The following ASIP variants were observed in gnomAD, a reference collection of about 807,000 sequenced individuals.
ASIP encodes agouti signaling protein, also known as agouti-signaling protein.
A neutral mutation model predicts 10.3 loss-of-function variants in ASIP; 11 were observed. That is an observed-to-expected ratio of 1.07 (90% confidence interval 0.68 to 1.78). The LOEUF is 1.78. Among genes scored for constraint, ASIP ranks in the 40% most tolerant of loss-of-function variants. ASIP has a pLI of 0.00. For synonymous variants in ASIP, 70 were observed against 70.8 expected, an observed-to-expected ratio of 0.99 and a Z score of 0.06; for missense variants, 180 against 169.2, an observed-to-expected ratio of 1.06 and a Z score of -0.35.
At chr20:34,261,756 C>CA (rs1163048197) in intron 2 of ASIP, among the ~76,000 whole-genome samples, 5 of 151,696 alleles carry the variant, frequency 3.3e-5, no homozygotes, top group African/African-American at 4.8e-5. Context: ...GAGCTATGAT[C>CA]ACACCATTGC....
At chr20:34,201,024 CTTTCTTTCTTTCT>C (rs2034893342) in intron 1 of ASIP, among the ~76,000 whole-genome samples, 4 of 82,532 alleles carry the variant, frequency 4.8e-5, no homozygotes, top group African/African-American at 2.0e-4. Flanking sequence ...TTCCTTCTTT[CTTTCTTTCTTTCT>C]TTCTTTCTTT....
chr20:34,240,154 AAAAG>A (rs1255860406), upstream of ASIP, among the ~76,000 whole-genome samples: 1 of 152,222 alleles, frequency 6.6e-6, no homozygotes, highest in Non-Finnish European at 1.5e-5. Flanking sequence ...AGAAGGGAAA[AAAAG>A]AGAAAAAAGA....
intron 3 of ASIP, among the ~76,000 whole-genome samples, chr20:34,264,435 G>A (rs1361729440): frequency 1.3e-5 from 2 of 152,170 alleles, no homozygotes; most frequent in Non-Finnish European, 2.9e-5. Context: ...CAAGGTTCTC[G>A]TGTATTTTTC....
At chr20:34,247,354 G>A (rs558768892) in intron 1 of ASIP, among the ~76,000 whole-genome samples, 11 of 147,972 alleles carry the variant, frequency 7.4e-5, no homozygotes, top group Non-Finnish European at 1.3e-4. Flanking sequence ...AGGCTGGAGT[G>A]CAATGGTGTG....
chr20:34,190,289 A>C (rs2034817124), upstream of ASIP, among the ~76,000 whole-genome samples: 1 of 152,198 alleles, frequency 6.6e-6, no homozygotes, highest in African/African-American at 2.4e-5. Flanking sequence ...CTCCCAGATG[A>C]GAATTAAGAT....
chr20:34,205,698 G>A (rs113000335), intron 1 of ASIP, among the ~76,000 whole-genome samples: 4 of 143,030 alleles, frequency 2.8e-5, no homozygotes, highest in South Asian at 2.2e-4. Context: ...TGATTTTGCC[G>A]TTTTACAGAG....
chr20:34,235,888 A>G (rs1175450889), intron 1 of ASIP, among the ~76,000 whole-genome samples: 9 of 94,382 alleles, frequency 9.5e-5, no homozygotes, highest in Non-Finnish European at 1.5e-4. Flanking sequence ...GAAGGAAGGA[A>G]GGAAGGAAGG....
chr20:34,266,710 T>G (rs6119484), intron 3 of ASIP, among the ~76,000 whole-genome samples: 37,419 of 152,134 alleles, frequency 0.25, 7,546 homozygotes, highest in African/African-American at 0.55. Context: ...AGGCAGATTA[T>G]AAAGTGTTAG....
In ASIP at chr20:34,269,318, A is replaced by G. The variant is rs1201234608; in HGVS notation, c.*151A>G. On this transcript the variant is annotated 3_prime_UTR_variant, in exon 4 of 4. Coordinates refer to ENST00000374954, the MANE Select transcript of ASIP (RefSeq NM_001672.3). ...TCAGGGAGACCTGGCTTGGGCTAAA[A>G]TCGAAATACAATATATATAGGCTGC... is the stretch of plus-strand genomic sequence containing the variant. 28 of 1,001,468 alleles carry G rather than the reference A, an allele frequency of 2.8e-5. No homozygotes were observed. The East Asian group carries it at 8.2e-4, about 29-fold the overall frequency. The allele number at this position is 1,001,468 out of a possible 1,614,324, so 62.0% of individuals were successfully genotyped here.
At chr20:34,221,289 A>G (rs907376753) in intron 1 of ASIP, among the ~76,000 whole-genome samples, 1 of 151,882 alleles carries the variant, frequency 6.6e-6, no homozygotes, top group South Asian at 2.1e-4. Flanking sequence ...GAGGCAGGAG[A>G]ATGGCGTGAA....
chr20:34,235,871 AAGGAAGG>A (rs1568756256), intron 1 of ASIP, among the ~76,000 whole-genome samples: 2 of 20,614 alleles, frequency 9.7e-5, no homozygotes, highest in South Asian at 2.1e-3. Context: ...GAAGGAAAGG[AAGGAAGG>A]AAGGAAGGAA....
intron 1 of ASIP, among the ~76,000 whole-genome samples, chr20:34,257,070 C>CTTTT (rs56227909): frequency 2.9e-5 from 4 of 139,424 alleles, no homozygotes; most frequent in African/African-American, 1.1e-4. Context: ...CTTTCTTTCT[C>CTTTT]TTTTTTTTTT....
At chr20:34,196,608 G>T (rs946295250) in intron 1 of ASIP, among the ~76,000 whole-genome samples, 2 of 152,220 alleles carry the variant, frequency 1.3e-5, no homozygotes, top group Non-Finnish European at 2.9e-5. Context: ...ACTGTGAGTT[G>T]AGAAAAACCT....
At chr20:34,232,449 A>G (rs2035128133) in intron 1 of ASIP, among the ~76,000 whole-genome samples, 1 of 152,168 alleles carries the variant, frequency 6.6e-6, no homozygotes, top group Admixed American at 6.5e-5. Flanking sequence ...GTTGGAACCA[A>G]ATCCGTCCAA....
At chr20:34,218,756 G>A (rs2035026262) in intron 1 of ASIP, among the ~76,000 whole-genome samples, 1 of 151,908 alleles carries the variant, frequency 6.6e-6, no homozygotes, top group Admixed American at 6.6e-5. Flanking sequence ...TCCACCCCCT[G>A]GGTTCATGCC....
At chr20:34,226,746 A>G (rs1210309323) in intron 1 of ASIP, among the ~76,000 whole-genome samples, 2 of 152,156 alleles carry the variant, frequency 1.3e-5, no homozygotes. Context: ...GCTAACTTAC[A>G]TACTTAATTT....
chr20:34,222,331 C>T (rs537121561), intron 1 of ASIP, among the ~76,000 whole-genome samples: 31 of 151,648 alleles, frequency 2.0e-4, no homozygotes, highest in Non-Finnish European at 3.2e-4. Flanking sequence ...CTGCTATGAT[C>T]TACAGCAAAT....
At chr20:34,253,257 C>T (rs1355125029) in intron 1 of ASIP, among the ~76,000 whole-genome samples, 1 of 151,690 alleles carries the variant, frequency 6.6e-6, no homozygotes, top group African/African-American at 2.4e-5. Context: ...AGGTGTCTGC[C>T]ACCACGCCCG....
At chr20:34,225,354 T>C (rs1018722385) in intron 1 of ASIP, among the ~76,000 whole-genome samples, 2 of 150,848 alleles carry the variant, frequency 1.3e-5, no homozygotes, top group South Asian at 2.1e-4. Context: ...CTTTGTTATA[T>C]AGAAAATTCT....
Sources: gnomAD v4.1 joint callset for allele counts (sites outside exome capture counted in the v4.1 genomes callset) on GRCh38, gnomAD v4.1.1 for gene constraint, MANE v1.5 for transcripts, NCBI Gene and HGNC (gene_info 2026-07-23, HGNC 2026-07-21) for gene names.